Variants in RPS6KA2 observed in about 807,000 individuals in gnomAD.
RPS6KA2 encodes ribosomal protein S6 kinase A2, also known as ribosomal protein S6 kinase alpha-2.
Under a neutral mutation model 91.8 loss-of-function variants are expected in RPS6KA2, and 42 were observed. That is an observed-to-expected ratio of 0.46 (90% CI 0.36 to 0.59). RPS6KA2 has a LOEUF of 0.59. Among genes scored for constraint, RPS6KA2 ranks in the 20% least tolerant of loss-of-function variants. The probability of loss-of-function intolerance (pLI) is 0.00; values close to 1 mark genes in which losing one functional copy is unlikely to be tolerated. For missense variants in RPS6KA2, 798 were observed against 978.5 expected, an observed-to-expected ratio of 0.82 and a Z score of 2.46; for synonymous variants, 414 against 393.6, an observed-to-expected ratio of 1.05 and a Z score of -0.61.
At chr6:166,462,740 C>T (rs961654851) in intron 11 of RPS6KA2, among the ~76,000 whole-genome samples, 1 of 152,194 alleles carries the variant, frequency 6.6e-6, no homozygotes. Flanking sequence ...GGAGGAAGCC[C>T]GCCTCTGCTT....
chr6:166,510,401 G>A (rs1479130264), intron 3 of RPS6KA2, 44 bp from the exon 4 acceptor site: 1 of 1,285,262 alleles, frequency 7.8e-7, no homozygotes, highest in Admixed American at 1.9e-5. Flanking sequence ...CAGGAAATAA[G>A]AGTTCTGAGG....
At chr6:166,595,374 A>G (rs1785503700) in intron 1 of RPS6KA2, among the ~76,000 whole-genome samples, 2 of 152,204 alleles carry the variant, frequency 1.3e-5, no homozygotes, top group Non-Finnish European at 2.9e-5. Flanking sequence ...CTTTGAATGC[A>G]ATTTTGTACC....
chr6:166,464,532 T>A (rs1562512119), intron 11 of RPS6KA2, among the ~76,000 whole-genome samples: 2 of 152,214 alleles, frequency 1.3e-5, no homozygotes, highest in Non-Finnish European at 2.9e-5. Context: ...TCCAGCATCA[T>A]CATTCACTGC....
chr6:166,701,637 C>T (rs1024306926), intron 2 of RPS6KA2: 18 of 1,300,202 alleles, frequency 1.4e-5, no homozygotes, highest in South Asian at 8.4e-5. Flanking sequence ...GCTCAGACTG[C>T]GGGGAGGGAG....
chr6:166,798,205 A>G (rs1779273098), intron 2 of RPS6KA2, among the ~76,000 whole-genome samples: 1 of 152,260 alleles, frequency 6.6e-6, no homozygotes, highest in Admixed American at 6.5e-5. Flanking sequence ...CAAGCTCTTC[A>G]GAGCCCAATG....
intron 1 of RPS6KA2, among the ~76,000 whole-genome samples, chr6:166,860,935 A>G (rs1358632822): frequency 6.6e-6 from 1 of 152,184 alleles, no homozygotes; most frequent in Non-Finnish European, 1.5e-5. Flanking sequence ...AACAGTAGGG[A>G]GCCCTGGTGT....
intron 2 of RPS6KA2, among the ~76,000 whole-genome samples, chr6:166,754,039 C>T (rs888426288): frequency 2.6e-5 from 4 of 152,184 alleles, no homozygotes; most frequent in Non-Finnish European, 4.4e-5. Flanking sequence ...GAGCCCCAGC[C>T]ACACAAGACC....
intron 2 of RPS6KA2, among the ~76,000 whole-genome samples, chr6:166,845,671 T>C (rs1003369699): frequency 2.0e-5 from 3 of 152,130 alleles, no homozygotes; most frequent in African/African-American, 7.2e-5. Flanking sequence ...TGAACAATAA[T>C]AGTGACACAA....
chr6:166,660,474 GTGTC>G (rs1464242912), intron 2 of RPS6KA2, among the ~76,000 whole-genome samples: 1 of 152,072 alleles, frequency 6.6e-6, no homozygotes, highest in Non-Finnish European at 1.5e-5. Context: ...AAATATTTGA[GTGTC>G]TGCCTGTCAC....
chr6:166,787,763 C>A (rs971511158), intron 2 of RPS6KA2, among the ~76,000 whole-genome samples: 4 of 151,906 alleles, frequency 2.6e-5, no homozygotes, highest in African/African-American at 7.3e-5. Flanking sequence ...CATGGGCATG[C>A]GCAAAAACTT....
intron 2 of RPS6KA2, among the ~76,000 whole-genome samples, chr6:166,656,125 C>T (rs1449994489): frequency 6.6e-6 from 1 of 152,190 alleles, no homozygotes; most frequent in African/African-American, 2.4e-5. Flanking sequence ...ACGGTGGAAG[C>T]TCACCGAGAG....
intron 2 of RPS6KA2, among the ~76,000 whole-genome samples, chr6:166,652,192 A>G (rs981202276): frequency 2.6e-5 from 4 of 152,264 alleles, no homozygotes; most frequent in African/African-American, 9.6e-5. Flanking sequence ...GGCATGAGCC[A>G]TTCGCGGGTA....
At chr6:166,655,767 G>A (rs1043970912) in intron 2 of RPS6KA2, among the ~76,000 whole-genome samples, 1 of 152,248 alleles carries the variant, frequency 6.6e-6, no homozygotes, top group African/African-American at 2.4e-5. Flanking sequence ...ACACTGGGCT[G>A]GCGAGAGTGT....
At chr6:166,775,443 A>T (rs1210716216) in intron 2 of RPS6KA2, among the ~76,000 whole-genome samples, 4 of 152,250 alleles carry the variant, frequency 2.6e-5, no homozygotes, top group Non-Finnish European at 4.4e-5. Flanking sequence ...GAAACTTGTT[A>T]CATTTTGTTA....
At position 166,531,326 on chromosome 6, in the gene RPS6KA2, A is replaced by G; in HGVS notation, c.217-13T>C. On this transcript the variant is annotated splice_polypyrimidine_tract_variant and intron_variant, in intron 2 of 20. Coordinates refer to ENST00000265678, the MANE Select transcript of RPS6KA2 (RefSeq NM_021135.6). ...TCACCAGGAACACCTTAGCAAGAGA[A>G]AACGGAACATCAGAAACCCGTAAGA... 6.2e-7 allele frequency: 1 copy of G among 1,606,532 alleles called. No individual in the cohort carries two copies.
chr6:166,845,558 C>T (rs1017038635), intron 2 of RPS6KA2, among the ~76,000 whole-genome samples: 1 of 152,132 alleles, frequency 6.6e-6, no homozygotes, highest in African/African-American at 2.4e-5. Context: ...CTCCAAAAGG[C>T]AGGCTCAAAA....
At chr6:166,630,287 G>C (rs983012935), upstream of RPS6KA2, among the ~76,000 whole-genome samples, 1 of 152,210 alleles carries the variant, frequency 6.6e-6, no homozygotes, top group Non-Finnish European at 1.5e-5. Context: ...GGAGTGGCTT[G>C]AGTGACATCC....
chr6:166,608,285 T>C (rs971304530), intron 1 of RPS6KA2, among the ~76,000 whole-genome samples: 3 of 152,156 alleles, frequency 2.0e-5, no homozygotes, highest in Admixed American at 1.3e-4. Flanking sequence ...CCCCAGAGGG[T>C]AGACAACGCT....
intron 2 of RPS6KA2, among the ~76,000 whole-genome samples, chr6:166,850,057 G>A (rs552736957): frequency 1.2e-4 from 18 of 152,316 alleles, no homozygotes; most frequent in East Asian, 3.9e-4. Flanking sequence ...GCCACTCAAC[G>A]TGCATTTGGC....
Sources: gnomAD v4.1 joint callset for allele counts (sites outside exome capture counted in the v4.1 genomes callset) on GRCh38, gnomAD v4.1.1 for gene constraint, MANE v1.5 for transcripts, NCBI Gene and HGNC (gene_info 2026-07-23, HGNC 2026-07-21) for gene names.